The following SPAG16 variants were observed in gnomAD, a reference collection of about 807,000 sequenced individuals.
SPAG16 encodes sperm-associated antigen 16 protein.
A neutral mutation model predicts 80.4 loss-of-function variants in SPAG16; 86 were observed. The ratio of observed to expected loss-of-function variants is 1.07; its 90% CI spans 0.90 to 1.28. SPAG16 has a LOEUF of 1.28. Among genes scored for constraint, SPAG16 ranks in the 50% most tolerant of loss-of-function variants. The pLI, the probability that SPAG16 is intolerant of heterozygous loss-of-function variation, is 0.00. For synonymous variants in SPAG16, 294 were observed against 265.9 expected (o/e 1.11, Z -1.03); for missense variants, 870 against 765.3 (o/e 1.14, Z -1.61).
intron 15 of SPAG16, among the ~76,000 whole-genome samples, chr2:214,259,638 G>A (rs1423738933): frequency 6.6e-6 from 1 of 150,872 alleles, no homozygotes; most frequent in Non-Finnish European, 1.5e-5. Context: ...TTTGATTTTT[G>A]GTTGGTTTGG....
At chr2:213,323,463 A>G (rs2063712201) in intron 5 of SPAG16, among the ~76,000 whole-genome samples, 1 of 152,140 alleles carries the variant, frequency 6.6e-6, no homozygotes, top group Non-Finnish European at 1.5e-5. Flanking sequence ...GAAAAATACA[A>G]ACAATAACAA....
rs369380339 is a variant in SPAG16, at chr2:213,964,568, C to T, written c.1400+34423C>T. On this transcript the variant is annotated intron_variant, in intron 12 of 15. Transcript: ENST00000331683. ...ATGCCATATATTGCCTTCTGAACTCCATTGTTTCAGATAAGAGGTCAGCTG... is the reference window on the plus strand; with the variant it reads ...ATGCCATATATTGCCTTCTGAACTCTATTGTTTCAGATAAGAGGTCAGCTG... Among the ~76,000 whole-genome samples, 155 of 152,128 alleles carry T rather than the reference C, an allele frequency of 1.0e-3. No homozygotes were observed. The Middle Eastern group carries it at 0.017, about 17-fold the overall frequency.
At chr2:213,717,155 C>CTTTTTTT (rs1339762204) in intron 10 of SPAG16, among the ~76,000 whole-genome samples, 1 of 139,166 alleles carries the variant, frequency 7.2e-6, no homozygotes. Context: ...AGAAACTTTT[C>CTTTTTTT]ATTTTTTTTT....
chr2:213,412,253 A>C (rs1458988359), intron 9 of SPAG16, among the ~76,000 whole-genome samples: 1 of 152,090 alleles, frequency 6.6e-6, no homozygotes, highest in African/African-American at 2.4e-5. Flanking sequence ...AAATTAGCCA[A>C]TCGGAATTAG....
At chr2:214,378,913 G>A (rs1217463626) in intron 15 of SPAG16, among the ~76,000 whole-genome samples, 3 of 152,194 alleles carry the variant, frequency 2.0e-5, no homozygotes, top group Non-Finnish European at 2.9e-5. Context: ...AGCAGCAGCA[G>A]TTAGTAAAAC....
chr2:213,870,353 A>G (rs1280768597), intron 11 of SPAG16, among the ~76,000 whole-genome samples: 2 of 93,274 alleles, frequency 2.1e-5, no homozygotes, highest in Non-Finnish European at 5.7e-5. Context: ...CGGCTTGTCT[A>G]TTGTGGCTTG....
At chr2:214,113,536 C>G (rs1306029007) in intron 14 of SPAG16, among the ~76,000 whole-genome samples, 1 of 152,078 alleles carries the variant, frequency 6.6e-6, no homozygotes, top group Non-Finnish European at 1.5e-5. Flanking sequence ...ACTCTTTTTT[C>G]TCTAAACTTC....
At chr2:213,618,348 A>G (rs920087067) in intron 10 of SPAG16, among the ~76,000 whole-genome samples, 3 of 152,108 alleles carry the variant, frequency 2.0e-5, no homozygotes, top group African/African-American at 7.2e-5. Flanking sequence ...TCCCTAGTCT[A>G]TTATGATATT....
At chr2:214,393,581 TTG>T (rs1180042387) in intron 15 of SPAG16, among the ~76,000 whole-genome samples, 2 of 151,708 alleles carry the variant, frequency 1.3e-5, no homozygotes, top group Non-Finnish European at 1.5e-5. Context: ...TGAAAATAAA[TTG>T]TTATACATAT....
rs925183230 is a variant in SPAG16, at chr2:214,215,001, C to T, written c.1720+65735C>T. On this transcript the variant is annotated intron_variant, in intron 15 of 15. Coordinates refer to ENST00000331683, the MANE Select transcript of SPAG16 (RefSeq NM_024532.5). ...ATCTCTGCATCTCCAAGGCCCAGTA[C>T]AATGGTTATATGGTAGAAGGTACTT... Among the ~76,000 whole-genome samples the T allele has an allele frequency of 7.9e-5, 12 of 151,810 alleles. No homozygotes were observed. In the South Asian group the frequency reaches 2.3e-3, roughly 29 times the overall value.
intron 9 of SPAG16, among the ~76,000 whole-genome samples, chr2:213,418,566 G>T (rs1263772332): frequency 6.6e-6 from 1 of 152,126 alleles, no homozygotes; most frequent in Non-Finnish European, 1.5e-5. Context: ...ACTGGATCTT[G>T]ATGAATGCAG....
chr2:213,285,501 A>G (rs1020442189), intron 1 of SPAG16, among the ~76,000 whole-genome samples: 2 of 152,124 alleles, frequency 1.3e-5, no homozygotes, highest in Non-Finnish European at 2.9e-5. Context: ...TACCAAGGAA[A>G]CTCCAAAATC....
intron 2 of SPAG16, among the ~76,000 whole-genome samples, chr2:213,296,797 G>A (rs11677793): frequency 0.34 from 51,878 of 152,060 alleles, 11,059 homozygotes; most frequent in Non-Finnish European, 0.47. Flanking sequence ...CATAAGAAGC[G>A]TGTGTTAAGT....
At position 214,111,723 on chromosome 2, in the gene SPAG16, A is replaced by G. The variant is rs534945579; in HGVS notation, c.1593+3462A>G. On this transcript the variant is annotated intron_variant, in intron 14 of 15. Transcript: ENST00000331683. ...GAATCCATAAATTACCTTGGGCAGT[A>G]TGGTCATTTTCACAATATTCTTCCT... is the stretch of plus-strand genomic sequence containing the variant. 3.2e-5 allele frequency among the ~76,000 whole-genome samples: 3 copies of G among 92,648 alleles called. No homozygotes were observed. In the South Asian group the frequency reaches 1.5e-3, roughly 47 times the overall value. 60.8% of individuals were successfully genotyped at this position (92,648 alleles called of 152,430 possible).
At chr2:213,540,251 T>C (rs2007346) in intron 10 of SPAG16, among the ~76,000 whole-genome samples, 65,499 of 151,538 alleles carry the variant, frequency 0.43, 14,944 homozygotes, top group African/African-American at 0.56. Flanking sequence ...GGGGTTTCAC[T>C]GTGTTAGCCA....
chr2:213,755,354 A>C (rs2068274358), intron 10 of SPAG16, among the ~76,000 whole-genome samples: 1 of 152,188 alleles, frequency 6.6e-6, no homozygotes, highest in Non-Finnish European at 1.5e-5. Context: ...GTTATATAGA[A>C]AATGTGAAGT....
chr2:214,325,421 T>C (rs1185760301), intron 15 of SPAG16, among the ~76,000 whole-genome samples: 2 of 152,200 alleles, frequency 1.3e-5, no homozygotes, highest in Non-Finnish European at 2.9e-5. Context: ...ATTATTCTTT[T>C]TAGAACTTTT....
In SPAG16 at chr2:213,438,673, C is replaced by G. The variant is rs769746862; in HGVS notation, c.943-51290C>G. ...CCTTCCCCTTGATTGTGGGCAAAAC[C>G]TGTAAGTATGACGAGATGGTACTCC... is the stretch of plus-strand genomic sequence containing the variant. On this transcript the variant is annotated intron_variant, in intron 9 of 15. Transcript: ENST00000331683. Among the ~76,000 whole-genome samples, 30 of 152,100 alleles carry G rather than the reference C, an allele frequency of 2.0e-4. 1 individual carries two copies. The highest frequency in any genetic ancestry group is 2.4e-4 in the Non-Finnish European group (16 of 68,026).
At chr2:214,401,698 A>C (rs959953936) in intron 15 of SPAG16, among the ~76,000 whole-genome samples, 1 of 151,930 alleles carries the variant, frequency 6.6e-6, no homozygotes, top group African/African-American at 2.4e-5. Flanking sequence ...ACAAAGCTCC[A>C]TTCCTGCAGA....
Sources: allele counts gnomAD v4.1 joint callset (sites outside exome capture counted in the v4.1 genomes callset), GRCh38; gene constraint gnomAD v4.1.1; transcripts MANE v1.5; gene names NCBI Gene and HGNC (gene_info 2026-07-23, HGNC 2026-07-21).